SLC46A2: variants seen among roughly 807,000 people sequenced by gnomAD.
SLC46A2 encodes the protein thymic stromal co-transporter.
Under a neutral mutation model 33.1 loss-of-function variants are expected in SLC46A2, and 25 were observed. The observed-to-expected ratio is 0.76, with a 90% CI of 0.55 to 1.06. The LOEUF (loss-of-function observed/expected upper bound fraction) is 1.06. Ranked by LOEUF, SLC46A2 falls within the 50% of genes least tolerant of loss-of-function variation. SLC46A2 has a pLI of 0.00. For missense variants in SLC46A2, 622 were observed against 621.7 expected (o/e 1.00, Z 0.00); for synonymous variants, 254 against 275.9 (o/e 0.92, Z 0.79).
At chr9:112,881,004 A>G (rs1841569601) in intron 3 of SLC46A2, among the ~76,000 whole-genome samples, 1 of 152,188 alleles carries the variant, frequency 6.6e-6, no homozygotes, top group Admixed American at 6.5e-5. Context: ...ACTCCCATCT[A>G]TATCTCAAGA....
chr9:112,886,707 C>A, intron 2 of SLC46A2, 91 bp from the exon 3 acceptor site: 1 of 1,360,564 alleles, frequency 7.3e-7, no homozygotes, highest in African/African-American at 1.4e-5. Flanking sequence ...TTAGGGGACC[C>A]TTCCTTCTTA....
chr9:112,886,901 T>A (rs1047809896), intron 2 of SLC46A2, among the ~76,000 whole-genome samples: 3 of 152,156 alleles, frequency 2.0e-5, no homozygotes, highest in African/African-American at 7.2e-5. Context: ...ATTTTTAATT[T>A]TTTTTGTTTA....
chr9:112,886,575 C>T lies in SLC46A2; in HGVS notation c.1255G>A (p.Gly419Ser), dbSNP rs374764020. ...VILQLSLALT[G>S]VVTSTLYNKI... ...TTGTACAAGGTGGATGTCACCACGC[C>T]GGTCAGAGCCAAGGACAGCTGCAGT... Residue 419 changes from glycine (G) to serine (S), a missense_variant, in exon 3 of 4, where the codon GGC becomes AGC. Gly to Ser is a moderately conservative substitution (Grantham distance 56). Transcript: ENST00000374228. The T allele has an allele frequency of 1.1e-5, 18 of 1,613,978 alleles. No homozygotes were observed. The highest frequency in any genetic ancestry group is 3.3e-5 in the South Asian group (3 of 91,074).
chr9:112,887,061 A>G (rs569015871), intron 2 of SLC46A2, among the ~76,000 whole-genome samples: 1 of 152,244 alleles, frequency 6.6e-6, no homozygotes, highest in Non-Finnish European at 1.5e-5. Context: ...TCAATTCACT[A>G]GGAATCCTGC....
At chr9:112,881,738 T>G (rs1841580195) in intron 3 of SLC46A2, 1 of 152,220 alleles carries the variant, frequency 6.6e-6, no homozygotes, top group Non-Finnish European at 1.5e-5. Context: ...ATAGCCATGG[T>G]CTCTGCCCTC....
chr9:112,885,807 A>C (rs1176326800), intron 3 of SLC46A2: 1 of 152,218 alleles, frequency 6.6e-6, no homozygotes, highest in African/African-American at 2.4e-5. Context: ...AGAAAATTGA[A>C]AATCACACAC....
Position 112,879,657 on chromosome 9 carries a change from T to G in SLC46A2, c.*105A>C, listed in dbSNP as rs1049795822. The G allele has an allele frequency of 2.9e-6, 3 of 1,046,794 alleles. No homozygotes were observed. Among genetic ancestry groups the G allele is most frequent in the Non-Finnish European group, 2.9e-6 (2 of 695,214 alleles). The allele number at this position is 1,046,794 out of a possible 1,614,324, so 64.8% of individuals were successfully genotyped here. ...GGCCAACTCTGGCTGGAACGCAGGT[T>G]TCTTAAGCAGTGGGTTGCTTAGGTC... On this transcript the variant is annotated 3_prime_UTR_variant, in exon 4 of 4. Transcript: ENST00000374228.
At chr9:112,880,552 TCAC>T in intron 3 of SLC46A2, 1 of 153,890 alleles carries the variant, frequency 6.5e-6, no homozygotes, top group East Asian at 1.9e-4. Context: ...CACTAGCTCA[TCAC>T]CCATCCAGAC....
At chr9:112,888,626 T>C (rs1841676968) in intron 1 of SLC46A2, among the ~76,000 whole-genome samples, 1 of 152,254 alleles carries the variant, frequency 6.6e-6, no homozygotes, top group South Asian at 2.1e-4. Context: ...ACAGAATGGA[T>C]AGCAACTATT....
At chr9:112,887,912 A>AGT (rs34424153) in intron 1 of SLC46A2, among the ~76,000 whole-genome samples, 2,494 of 142,280 alleles carry the variant, frequency 0.018, 36 homozygotes, top group African/African-American at 0.023. Flanking sequence ...ATCCAGATGC[A>AGT]GTGTGTGTGT....
Position 112,890,318 on chromosome 9 carries a change from C to T in SLC46A2, c.364G>A (p.Gly122Arg), listed in dbSNP as rs757146884. ...TCCAGCAGCACCTTGAGCAGCAGCC[C>T]GAGGCGGGAGAGCAGGAAGCCCAGC... ...SLLGFLLSRL[G>R]LLLKVLLDWP... The change falls in exon 1 of 4, where the codon GGG (glycine) becomes AGG (arginine). Residue 122 changes from glycine (G) to arginine (R), a missense_variant. Gly to Arg is a moderately radical substitution (Grantham distance 125). Transcript: ENST00000374228. The surrounding 1 kb of genome is among the most constrained non-coding windows in gnomAD (Gnocchi z 6.0). 40 of 1,613,648 alleles carry T rather than the reference C, an allele frequency of 2.5e-5. No individual in the cohort carries two copies. The highest frequency in any genetic ancestry group is 1.5e-4 in the Admixed American group (9 of 60,006).
At position 112,886,376 on chromosome 9, in the gene SLC46A2, G is replaced by A; in HGVS notation, c.1370+84C>T. On this transcript the variant is annotated intron_variant, in intron 3 of 3. Coordinates refer to ENST00000374228, the MANE Select transcript of SLC46A2 (RefSeq NM_033051.4). ...AAATGCTGAAAATAAATAATGCAGT[G>A]ATGGTGGGCTGGAGAAGGTCCAACA... The A allele has an allele frequency of 2.8e-6, 4 of 1,436,086 alleles. No homozygotes were observed. The South Asian group carries it at 3.5e-5, about 13-fold the overall frequency. 89.0% of individuals were successfully genotyped at this position (1,436,086 alleles called of 1,614,324 possible). A position where few individuals can be genotyped will look rare whatever the true frequency, so the allele number is the denominator to read the frequency against.
At chr9:112,883,897 A>C (rs1183265779) in intron 3 of SLC46A2, among the ~76,000 whole-genome samples, 3 of 152,026 alleles carry the variant, frequency 2.0e-5, no homozygotes, top group Non-Finnish European at 2.9e-5. Flanking sequence ...TGGTTTCACT[A>C]TGTTGGCCAG....
At chr9:112,887,840 A>G (rs1011969696) in intron 1 of SLC46A2, among the ~76,000 whole-genome samples, 2 of 152,008 alleles carry the variant, frequency 1.3e-5, no homozygotes, top group African/African-American at 4.8e-5. Flanking sequence ...GCCTCCAGCA[A>G]TGTGTCCCAT....
rs772716159 is a variant in SLC46A2, at chr9:112,889,551, A to C, written c.1129+2T>G. The stretch of plus-strand genomic sequence containing the variant: ...CTGCCTCCTCAAGAATGACAGACTC[A>C]CCAATATAGAACATGTATGTCTCTT... On this transcript the variant is annotated splice_donor_variant, in intron 1 of 3. Transcript: ENST00000374228. LOFTEE classifies it high-confidence loss of function. 6.2e-7 allele frequency: 1 copy of C among 1,605,538 alleles called. No individual in the cohort carries two copies. Among genetic ancestry groups the C allele is most frequent in the South Asian group, 1.1e-5 (1 of 89,696 alleles).
intron 1 of SLC46A2, among the ~76,000 whole-genome samples, chr9:112,887,942 TGTGTGA>T (rs1016633680): frequency 2.1e-5 from 3 of 143,974 alleles, no homozygotes; most frequent in African/African-American, 8.2e-5. Flanking sequence ...TGTGTGTGTG[TGTGTGA>T]GAGAGAGAGA....
chr9:112,882,648 T>C (rs950103252), intron 3 of SLC46A2, among the ~76,000 whole-genome samples: 3 of 151,898 alleles, frequency 2.0e-5, no homozygotes, highest in African/African-American at 7.3e-5. Context: ...GAGACATATT[T>C]TGGAGGTAGA....
intron 3 of SLC46A2, among the ~76,000 whole-genome samples, chr9:112,883,512 G>T (rs942879136): frequency 6.6e-5 from 10 of 151,670 alleles, no homozygotes; most frequent in African/African-American, 2.4e-4. Flanking sequence ...GGATTGTTTG[G>T]GAAGATTAGT....
intron 3 of SLC46A2, among the ~76,000 whole-genome samples, chr9:112,886,104 A>G (rs1841639319): frequency 6.6e-6 from 1 of 152,176 alleles, no homozygotes; most frequent in Non-Finnish European, 1.5e-5. Context: ...GATGACTTTC[A>G]CCTAAAGGCA....
Sources: allele counts gnomAD v4.1 joint callset (sites outside exome capture counted in the v4.1 genomes callset), GRCh38; gene constraint gnomAD v4.1.1; non-coding constraint Gnocchi (gnomAD v3.1); transcripts MANE v1.5; gene names NCBI Gene and HGNC (gene_info 2026-07-23, HGNC 2026-07-21).